Variants in CYP4B1 observed in about 807,000 individuals in gnomAD.
The protein encoded by CYP4B1 is cytochrome P450 family 4 subfamily B member 1.
In CYP4B1, 45 loss-of-function variants were observed where a neutral mutation model predicts 54.0. The observed-to-expected ratio is 0.83, with a 90% CI of 0.66 to 1.07. The LOEUF (loss-of-function observed/expected upper bound fraction) is 1.07, where lower values mean the gene tolerates loss of function less well. Among genes scored for constraint, CYP4B1 ranks in the 50% least tolerant of loss-of-function variants. The pLI is 0.00. For missense variants in CYP4B1, 656 were observed against 655.4 expected (o/e 1.00, Z -0.01); for synonymous variants, 248 against 247.5 (o/e 1.00, Z -0.02).
chr1:46,813,340 G>A (rs555874528), intron 4 of CYP4B1, 142 bp from the exon 5 acceptor site: 435 of 966,862 alleles, frequency 4.5e-4, no homozygotes, highest in Non-Finnish European at 6.3e-4. Flanking sequence ...GCAGGATGGA[G>A]GGCAGGACAG....
chr1:46,813,044 T>G (rs1175144273), intron 4 of CYP4B1, among the ~76,000 whole-genome samples: 1 of 152,176 alleles, frequency 6.6e-6, no homozygotes, highest in African/African-American at 2.4e-5. Flanking sequence ...TCAATACAAC[T>G]CATCTCTAAG....
chr1:46,814,873 A>T, intron 7 of CYP4B1: 1 of 590,024 alleles, frequency 1.7e-6, no homozygotes, highest in Non-Finnish European at 3.0e-6. Flanking sequence ...CAGAGCATTT[A>T]GGGAGGGCTT....
intron 1 of CYP4B1, 39 bp from the exon 2 acceptor site, chr1:46,810,769 G>A (rs777991879): frequency 3.7e-5 from 59 of 1,612,736 alleles, no homozygotes; most frequent in Non-Finnish European, 5.0e-5. Flanking sequence ...TGGTGACAAT[G>A]TGTTCCTGAG....
rs12094024 is a variant in CYP4B1 at position 46,815,180 on chromosome 1, A to C, written c.989A>C (p.Tyr330Ser). 6,940 of 1,613,680 alleles carry C rather than the reference A, an allele frequency of 4.3e-3. 268 individuals are homozygous for C. In the African/African-American group the frequency reaches 0.082, roughly 19 times the overall value. ...TTTSGISWFL[Y>S]CMALYPEHQH... ...ACCAGTGGTATCTCCTGGTTTCTCT[A>C]CTGCATGGCCCTGTACCCTGAGCAC... The change falls in exon 8 of 12, where the codon TAC becomes TCC. Residue 330 changes from tyrosine (Y) to serine (S), a missense_variant. Tyr to Ser is a moderately radical substitution (Grantham distance 144). Transcript: ENST00000371923.
intron 1 of CYP4B1, among the ~76,000 whole-genome samples, chr1:46,800,293 C>CTTT (rs1678597312): frequency 1.5e-5 from 2 of 132,610 alleles, no homozygotes; most frequent in South Asian, 2.6e-4. Context: ...TTCCTTCCTT[C>CTTT]CTTCCTTCTT....
intron 1 of CYP4B1, among the ~76,000 whole-genome samples, chr1:46,801,880 C>T (rs1022603406): frequency 6.6e-6 from 1 of 152,098 alleles, no homozygotes; most frequent in Non-Finnish European, 1.5e-5. Flanking sequence ...TTAGGCCCAG[C>T]AATGATGGGA....
At position 46,818,887 on chromosome 1, in the gene CYP4B1, T is replaced by C; in HGVS notation, c.*73T>C. On this transcript the variant is annotated 3_prime_UTR_variant, in exon 12 of 12. Coordinates refer to ENST00000371923, the MANE Select transcript of CYP4B1 (RefSeq NM_001099772.2). Reference sequence around the variant, plus strand: ...GGCACCACCCTCCCCAGGCTGGGTGTGGAGGAGTTGGGGCCCCCTGCCTTC... The same window carrying C: ...GGCACCACCCTCCCCAGGCTGGGTGCGGAGGAGTTGGGGCCCCCTGCCTTC... 6.6e-7 allele frequency: 1 copy of C among 1,523,594 alleles called. No homozygotes were observed. The highest frequency in any genetic ancestry group is 8.9e-7 in the Non-Finnish European group (1 of 1,117,714). 94.4% of individuals were successfully genotyped at this position (1,523,594 alleles called of 1,614,324 possible).
intron 3 of CYP4B1, 47 bp downstream of exon 3, chr1:46,811,231 G>A (rs754197933): frequency 6.3e-7 from 1 of 1,593,584 alleles, no homozygotes; most frequent in South Asian, 1.1e-5. Context: ...CAGACCCGTG[G>A]TGCTGGGTGA....
At position 46,808,641 on chromosome 1, in the gene CYP4B1, A is replaced by C. The variant is rs1678959568; in HGVS notation, c.181-2167A>C. 1.3e-5 allele frequency among the ~76,000 whole-genome samples: 2 copies of C among 151,940 alleles called. 1 individual carries two copies. The highest frequency in any genetic ancestry group is 4.1e-4 in the South Asian group (2 of 4,826). ...TGGGTATATACCCAAAGGACTATAA[A>C]TCATGCTGCTATAAAGACACATGCA... On this transcript the variant is annotated intron_variant, in intron 1 of 11. Transcript: ENST00000371923.
chr1:46,802,155 A>G (rs895575715), intron 1 of CYP4B1, among the ~76,000 whole-genome samples: 7 of 152,088 alleles, frequency 4.6e-5, no homozygotes, highest in African/African-American at 1.7e-4. Flanking sequence ...CTGAGGTTGG[A>G]ACCCTTGAAA....
At chr1:46,813,862 T>C (rs372304855) in intron 5 of CYP4B1, 47 bp from the exon 6 acceptor site, 4 of 1,602,782 alleles carry the variant, frequency 2.5e-6, no homozygotes, top group Middle Eastern at 1.7e-4. Context: ...CTGGCTCTGC[T>C]CCTGGGCCAG....
Position 46,814,197 on chromosome 1 carries a change from C to CT in CYP4B1, c.776-8dup. 1 of 1,613,700 alleles carries CT rather than the reference C, an allele frequency of 6.2e-7. No individual in the cohort carries two copies. Among genetic ancestry groups the CT allele is most frequent in the Non-Finnish European group, 8.5e-7 (1 of 1,179,664 alleles). ...GCTTCCCAGGCAGTGACACTCTGTG[C>CT]TTTTGGTTCAGACCAGGTCATCAGG... On this transcript the variant is annotated splice_polypyrimidine_tract_variant and intron_variant, in intron 6 of 11. Coordinates refer to ENST00000371923, the MANE Select transcript of CYP4B1 (RefSeq NM_001099772.2).
At chr1:46,810,150 G>A (rs1263849231) in intron 1 of CYP4B1, among the ~76,000 whole-genome samples, 4 of 152,128 alleles carry the variant, frequency 2.6e-5, no homozygotes, top group Non-Finnish European at 4.4e-5. Flanking sequence ...CATCCTTCAA[G>A]TTTCACCTTA....
In CYP4B1 at chr1:46,817,976, T is replaced by C. The variant is rs1338567173; in HGVS notation, c.1219T>C (p.Ser407Pro). 6.2e-7 allele frequency: 1 copy of C among 1,614,112 alleles called. No homozygotes were observed. Among genetic ancestry groups the C allele is most frequent in the African/African-American group, 1.3e-5 (1 of 75,038 alleles). Residue 407 changes from serine to proline, a missense_variant, in exon 10 of 12, where the codon TCT (serine) becomes CCT (proline). Physicochemically the swap from Ser to Pro is moderately conservative, Grantham distance 74. Coordinates refer to ENST00000371923, the MANE Select transcript of CYP4B1 (RefSeq NM_001099772.2). Reference protein sequence around the residue: ...GRSLPAGSLISMHIYALHRNS... With the variant: ...GRSLPAGSLIPMHIYALHRNS... ...TGTTCTGCCCACAGGAAGCCTGATC[T>C]CTATGCATATCTATGCCCTCCATAG...
intron 8 of CYP4B1, chr1:46,815,541 G>A (rs957674563): frequency 3.1e-5 from 9 of 292,158 alleles, no homozygotes; most frequent in South Asian, 1.2e-4. Flanking sequence ...TTCTTCTGAC[G>A]GTAGAACCTG....
Position 46,818,776 on chromosome 1 carries a change from C to T in CYP4B1, c.1501C>T (p.Leu501Phe). ...CCTGCGCTCCAAGAATGGCTTTCAC[C>T]TCCACCTGAAGCCACTGGGCCCTGG... The part of the protein sequence containing the change: ...LVLRSKNGFH[L>F]HLKPLGPGSG... The change falls in exon 12 of 12, where the codon CTC becomes TTC. Residue 501 changes from leucine (L) to phenylalanine (F), a missense_variant. Physicochemically the swap from Leu to Phe is conservative, Grantham distance 22. Coordinates refer to ENST00000371923, the MANE Select transcript of CYP4B1 (RefSeq NM_001099772.2). 2 of 1,614,108 alleles carry T rather than the reference C, an allele frequency of 1.2e-6. No homozygotes were observed. The highest frequency in any genetic ancestry group is 1.7e-6 in the Non-Finnish European group (2 of 1,180,006).
Position 46,813,886 on chromosome 1 carries a change from CCCT to C in CYP4B1, c.621-16_621-14del, listed in dbSNP as rs4646489. ...CTCCTGGGCCAGTGTCTAAGCCAAT[CCCT>C]CCTCCTACCCTCTGCTTAGCAGGGA... On this transcript the variant is annotated intron_variant, in intron 5 of 11. Coordinates refer to ENST00000371923, the MANE Select transcript of CYP4B1 (RefSeq NM_001099772.2). The C allele has an allele frequency of 0.13, 204,002 of 1,612,362 alleles. 13,991 individuals are homozygous for C. Among genetic ancestry groups the C allele is most frequent in the African/African-American group, 0.21 (15,981 of 74,918 alleles).
chr1:46,815,752 CT>C (rs1427719747), intron 8 of CYP4B1, among the ~76,000 whole-genome samples: 2 of 152,230 alleles, frequency 1.3e-5, no homozygotes, highest in Non-Finnish European at 2.9e-5. Flanking sequence ...CACTTAAAAA[CT>C]TTCCATTGTT....
intron 1 of CYP4B1, among the ~76,000 whole-genome samples, chr1:46,802,618 G>T (rs1372860795): frequency 1.3e-5 from 2 of 152,178 alleles, no homozygotes; most frequent in African/African-American, 4.8e-5. Flanking sequence ...CCCAGTCTTT[G>T]TGAACCAGAT....
Sources: gnomAD v4.1 joint callset for allele counts (sites outside exome capture counted in the v4.1 genomes callset) on GRCh38, gnomAD v4.1.1 for gene constraint, MANE v1.5 for transcripts, NCBI Gene and HGNC (gene_info 2026-07-23, HGNC 2026-07-21) for gene names.